The following MAP6 variants were observed in gnomAD, a reference collection of about 807,000 sequenced individuals.
MAP6 encodes microtubule-associated protein 6.
MAP6 carries 26 observed loss-of-function variants against 42.4 expected under a neutral mutation model. That is an observed-to-expected ratio of 0.61 (90% CI 0.45 to 0.85). MAP6 has a LOEUF of 0.85. Ranked by LOEUF, MAP6 falls within the 40% of genes least tolerant of loss-of-function variation. The pLI is 0.00. For missense variants in MAP6, 966 were observed against 1,099.0 expected, an observed-to-expected ratio of 0.88 and a Z score of 1.71; for synonymous variants, 418 against 443.8, an observed-to-expected ratio of 0.94 and a Z score of 0.73.
At chr11:75,600,889 C>T (rs191372635) in intron 3 of MAP6, among the ~76,000 whole-genome samples, 2 of 152,302 alleles carry the variant, frequency 1.3e-5, no homozygotes, top group East Asian at 1.9e-4. Context: ...ATGAAGAACA[C>T]AAAAACTCTA....
intron 1 of MAP6, among the ~76,000 whole-genome samples, chr11:75,658,172 G>C (rs985961755): frequency 1.3e-5 from 2 of 152,154 alleles, no homozygotes; most frequent in Non-Finnish European, 2.9e-5. Flanking sequence ...CTGTTAGGTA[G>C]ATACTCAAGA....
At chr11:75,602,714 G>T in intron 3 of MAP6, 1 of 568,530 alleles carries the variant, frequency 1.8e-6, no homozygotes, top group Non-Finnish European at 2.2e-6. Flanking sequence ...TATCTGAGAG[G>T]CAATCTAAAA....
chr11:75,588,251 T>C, intron 3 of MAP6, 67 bp from the exon 4 acceptor site: 1 of 1,462,668 alleles, frequency 6.8e-7, no homozygotes, highest in Non-Finnish European at 9.2e-7. Flanking sequence ...AGAGTACAGA[T>C]TGCCTAATAA....
chr11:75,666,361 T>TGCA (rs1943946179), intron 1 of MAP6, among the ~76,000 whole-genome samples: 1 of 147,182 alleles, frequency 6.8e-6, no homozygotes, highest in Non-Finnish European at 1.5e-5. Context: ...TGGCTGAAGC[T>TGCA]GCAGCAGAGG....
At chr11:75,623,893 C>T (rs573231849) in intron 1 of MAP6, among the ~76,000 whole-genome samples, 1 of 152,294 alleles carries the variant, frequency 6.6e-6, no homozygotes, top group African/African-American at 2.4e-5. Context: ...GCTACTGATT[C>T]CCTGGAAGTG....
At chr11:75,651,191 T>C (rs376718978) in intron 1 of MAP6, among the ~76,000 whole-genome samples, 18 of 152,238 alleles carry the variant, frequency 1.2e-4, no homozygotes, top group African/African-American at 3.6e-4. Flanking sequence ...TCAACAAATA[T>C]GAATTGAATG....
chr11:75,640,509 A>T (rs1943448860), intron 1 of MAP6, among the ~76,000 whole-genome samples: 1 of 152,204 alleles, frequency 6.6e-6, no homozygotes, highest in African/African-American at 2.4e-5. Context: ...TCAGAAGCAT[A>T]TTGAAATTCC....
At chr11:75,655,794 G>A (rs1435903961) in intron 1 of MAP6, among the ~76,000 whole-genome samples, 1 of 152,230 alleles carries the variant, frequency 6.6e-6, no homozygotes, top group Non-Finnish European at 1.5e-5. Context: ...GCAGGGGCCT[G>A]CTGGAGCTGC....
At chr11:75,649,641 C>T (rs780557662) in intron 1 of MAP6, among the ~76,000 whole-genome samples, 2 of 152,024 alleles carry the variant, frequency 1.3e-5, no homozygotes, top group Admixed American at 1.3e-4. Flanking sequence ...CACGTTCAAG[C>T]GATTCTCCTG....
At chr11:75,662,587 A>G (rs1453495432) in intron 1 of MAP6, among the ~76,000 whole-genome samples, 1 of 152,214 alleles carries the variant, frequency 6.6e-6, no homozygotes, top group Non-Finnish European at 1.5e-5. Flanking sequence ...TTTTAAGCCC[A>G]TTGAATTAGA....
At chr11:75,603,009 A>T in intron 3 of MAP6, 1 of 985,798 alleles carries the variant, frequency 1.0e-6, no homozygotes, top group Non-Finnish European at 1.2e-6. Context: ...AAATAGCACC[A>T]AGAGAGGTGT....
chr11:75,660,217 C>T (rs1397526366), intron 1 of MAP6, among the ~76,000 whole-genome samples: 4 of 152,146 alleles, frequency 2.6e-5, no homozygotes, highest in Non-Finnish European at 5.9e-5. Flanking sequence ...TTAATTTTCT[C>T]TACTCCTTTT....
intron 1 of MAP6, among the ~76,000 whole-genome samples, chr11:75,656,664 C>T (rs1250226425): frequency 6.6e-6 from 1 of 152,210 alleles, no homozygotes; most frequent in Non-Finnish European, 1.5e-5. Context: ...CCTCTCTCTT[C>T]CCTACCCACC....
chr11:75,607,089 C>T (rs1023686585), intron 2 of MAP6: 11 of 346,388 alleles, frequency 3.2e-5, no homozygotes, highest in Non-Finnish European at 4.5e-5. Context: ...TTCAGTCACT[C>T]CTGACCTGTA....
chr11:75,605,660 C>A (rs969786554), intron 3 of MAP6, 148 bp downstream of exon 3: 1 of 1,437,472 alleles, frequency 7.0e-7, no homozygotes, highest in African/African-American at 1.4e-5. Context: ...AGAAGCCAAA[C>A]CAAAGAGCTC....
At chr11:75,634,934 C>T (rs980390583) in intron 1 of MAP6, among the ~76,000 whole-genome samples, 5 of 151,978 alleles carry the variant, frequency 3.3e-5, no homozygotes, top group African/African-American at 1.2e-4. Flanking sequence ...AGGTAATTAC[C>T]AACATTGTAA....
chr11:75,587,972 G>A lies in MAP6; in HGVS notation c.1529C>T (p.Thr510Met), dbSNP rs778506126. 26 of 1,613,948 alleles carry A rather than the reference G, an allele frequency of 1.6e-5. No individual in the cohort carries two copies. Among genetic ancestry groups the A allele is most frequent in the African/African-American group, 1.2e-4 (9 of 74,894 alleles). Reference sequence around the variant, plus strand: ...TTCATTCTTTAAAGGCTCAGGGACCGTGTGATCTTGATCCTTGACTGGTAA... The same window carrying A: ...TTCATTCTTTAAAGGCTCAGGGACCATGTGATCTTGATCCTTGACTGGTAA... ...IPLPVKDQDHTVPEPLKNESP... is the reference protein window; with the variant it reads ...IPLPVKDQDHMVPEPLKNESP... The change falls in exon 4 of 4, where the codon ACG becomes ATG. Residue 510 changes from threonine to methionine, a missense_variant. This residue lies in a region of MAP6 where 943 missense variants were observed against 1,049.9 expected (regional missense o/e 0.90). Coordinates refer to ENST00000304771, the MANE Select transcript of MAP6 (RefSeq NM_033063.2).
chr11:75,641,818 C>T (rs777593067), intron 1 of MAP6, among the ~76,000 whole-genome samples: 15 of 152,220 alleles, frequency 9.9e-5, no homozygotes, highest in Non-Finnish European at 1.6e-4. Flanking sequence ...CGCTCTACTT[C>T]ATCTAGCAGA....
At chr11:75,651,382 G>A (rs1943643518) in intron 1 of MAP6, among the ~76,000 whole-genome samples, 1 of 152,132 alleles carries the variant, frequency 6.6e-6, no homozygotes, top group Non-Finnish European at 1.5e-5. Context: ...GCCCACTCTG[G>A]AGGAATGCTG....
Sources: gnomAD v4.1 joint callset for allele counts (sites outside exome capture counted in the v4.1 genomes callset) on GRCh38, gnomAD v4.1.1 for gene constraint, gnomAD v4.1.1 regional missense constraint, MANE v1.5 for transcripts, NCBI Gene and HGNC (gene_info 2026-07-23, HGNC 2026-07-21) for gene names.